TMPRSS6: variants seen among roughly 807,000 people sequenced by gnomAD.
TMPRSS6 encodes the protein transmembrane serine protease 6.
In TMPRSS6, 67 loss-of-function variants were observed where a neutral mutation model predicts 101.5. The ratio of observed to expected loss-of-function variants is 0.66; its 90% CI spans 0.54 to 0.81. TMPRSS6 has a LOEUF of 0.81. Among genes scored for constraint, TMPRSS6 ranks in the 30% least tolerant of loss-of-function variants. The pLI, the probability that TMPRSS6 is intolerant of heterozygous loss-of-function variation, is 0.00. For missense variants in TMPRSS6, 1,034 were observed against 1,088.7 expected (o/e 0.95, Z 0.71); for synonymous variants, 453 against 464.9 (o/e 0.97, Z 0.33).
At chr22:37,106,017 C>T (rs1015797392) in intron 1 of TMPRSS6, among the ~76,000 whole-genome samples, 8 of 152,088 alleles carry the variant, frequency 5.3e-5, no homozygotes, top group African/African-American at 1.9e-4. Flanking sequence ...CATGGGGACT[C>T]GGGGGCATAG....
At chr22:37,072,227 GATGGATGATGGATGGATGGATGA>G (rs1927032577) in intron 13 of TMPRSS6, among the ~76,000 whole-genome samples, 1 of 74,032 alleles carries the variant, frequency 1.4e-5, no homozygotes, top group Admixed American at 1.0e-4. Flanking sequence ...TGGATGGATG[GATGGATGATGGATGGATGGATGA>G]TGGATGGATG....
rs1264412545 is a variant in TMPRSS6, at chr22:37,074,644, C to G, written c.1407G>C (p.Lys469Asn). 1.2e-6 allele frequency: 2 copies of G among 1,614,212 alleles called. No individual in the cohort carries two copies. The highest frequency in any genetic ancestry group is 4.5e-5 in the East Asian group (2 of 44,876). Residue 469 changes from lysine (K) to asparagine (N), a missense_variant, in exon 12 of 18, where the codon AAG becomes AAC. Coordinates refer to ENST00000676104, the MANE Select transcript of TMPRSS6 (RefSeq NM_001374504.1). ...GLCVPACDGV[K>N]DCPNGLDERN... ...TCTCATCCAGGCCGTTGGGGCAGTC[C>G]TTGACCCCATCACAGGCAGGGACAC...
intron 13 of TMPRSS6, among the ~76,000 whole-genome samples, chr22:37,072,608 TGG>T (rs1927161007): frequency 8.4e-6 from 1 of 119,294 alleles, no homozygotes; most frequent in African/African-American, 3.3e-5. Context: ...GATGGATGGA[TGG>T]ATGATGGACG....
At chr22:37,102,268 C>T (rs1237424395) in intron 2 of TMPRSS6, among the ~76,000 whole-genome samples, 1 of 152,242 alleles carries the variant, frequency 6.6e-6, no homozygotes, top group Non-Finnish European at 1.5e-5. Context: ...TGTCCCATCA[C>T]ATGCTATGCT....
chr22:37,074,758 T>C (rs369540809), intron 11 of TMPRSS6, 50 bp from the exon 12 acceptor site: 6 of 1,592,322 alleles, frequency 3.8e-6, no homozygotes, highest in Non-Finnish European at 5.2e-6. Context: ...CATTAGGCCA[T>C]GCGTAGCCGC....
chr22:37,065,927 A>G lies in TMPRSS6; in HGVS notation c.*153T>C, dbSNP rs1926230705. On this transcript the variant is annotated 3_prime_UTR_variant, in exon 18 of 18. Transcript: ENST00000676104. ...TCCATCCTCCTGCCATCACTGGAGC[A>G]GACATCAGGGACGAGACAAGATGCC... 1.0e-6 allele frequency: 1 copy of G among 959,272 alleles called. No individual in the cohort carries two copies. The allele number at this position is 959,272 out of a possible 1,614,324, so 59.4% of individuals were successfully genotyped here. A position where few individuals can be genotyped will look rare whatever the true frequency, so the allele number is the denominator to read the frequency against.
chr22:37,084,290 G>C lies in TMPRSS6; in HGVS notation c.1196+5C>G, dbSNP rs750655957. ...GGAAGCCAGAGGGAGGAGAGGAAGT[G>C]GTACCTCCTGTTCTGGATCGTCCAC... On this transcript the variant is annotated splice_donor_5th_base_variant and intron_variant, in intron 10 of 17. Coordinates refer to ENST00000676104, the MANE Select transcript of TMPRSS6 (RefSeq NM_001374504.1). 6.2e-7 allele frequency: 1 copy of C among 1,606,248 alleles called. No homozygotes were observed. Among genetic ancestry groups the C allele is most frequent in the South Asian group, 1.1e-5 (1 of 90,570 alleles).
At chr22:37,068,970 T>A (rs972398426) in intron 16 of TMPRSS6, 103 bp downstream of exon 16, 2 of 1,487,056 alleles carry the variant, frequency 1.3e-6, no homozygotes, top group Non-Finnish European at 1.8e-6. Context: ...GCCTATGGGG[T>A]GGAGCCCCGG....
intron 3 of TMPRSS6, among the ~76,000 whole-genome samples, chr22:37,098,135 G>T (rs1312024119): frequency 6.6e-6 from 1 of 152,040 alleles, no homozygotes; most frequent in East Asian, 1.9e-4. Context: ...GGCAGGAGCG[G>T]GCCCTCAATA....
rs944135482 is a variant in TMPRSS6 at position 37,083,108 on chromosome 22, A to C, written c.1196+1187T>G. 4 of 470,846 alleles carry C rather than the reference A, an allele frequency of 8.5e-6. No individual in the cohort carries two copies. The Admixed American group carries it at 9.4e-5, about 11-fold the overall frequency. 29.2% of individuals were successfully genotyped at this position (470,846 alleles called of 1,614,324 possible). A position where few individuals can be genotyped will look rare whatever the true frequency, so the allele number is the denominator to read the frequency against. On this transcript the variant is annotated intron_variant, in intron 10 of 17. Coordinates refer to ENST00000676104, the MANE Select transcript of TMPRSS6 (RefSeq NM_001374504.1). ...AACTCTGTGAAATCAAGAAATGACAAATCTTTCATACTAGACTCTGAACCC... is the reference window on the plus strand; with the variant it reads ...AACTCTGTGAAATCAAGAAATGACACATCTTTCATACTAGACTCTGAACCC...
chr22:37,098,917 T>C (rs1468164859), intron 2 of TMPRSS6, among the ~76,000 whole-genome samples: 1 of 152,186 alleles, frequency 6.6e-6, no homozygotes, highest in East Asian at 1.9e-4. Context: ...CTAGGCATCC[T>C]TCCACTCGTG....
rs200023406 is a variant in TMPRSS6 at position 37,084,254 on chromosome 22, G to T, written c.1196+41C>A. On this transcript the variant is annotated intron_variant, in intron 10 of 17. Coordinates refer to ENST00000676104, the MANE Select transcript of TMPRSS6 (RefSeq NM_001374504.1). ...ATTGAGGAGGGAAGAGAGGGAGGGG[G>T]AGGGAGGAAAGGAAGCCAGAGGGAG... 16 of 1,530,860 alleles carry T rather than the reference G, an allele frequency of 1.0e-5. No individual in the cohort carries two copies. In the East Asian group the frequency reaches 3.7e-4, roughly 35 times the overall value. The allele number at this position is 1,530,860 out of a possible 1,614,324, so 94.8% of individuals were successfully genotyped here.
In TMPRSS6 at chr22:37,103,212, T is replaced by A. The variant is rs1213604189; in HGVS notation, c.202+4A>T. ...GCCTCTCCCAGGCGGTCCCACAACG[T>A]TACCTAGGAAATACCAGAGTAGCAC... On this transcript the variant is annotated splice_donor_region_variant and intron_variant, in intron 2 of 17. Transcript: ENST00000676104. This position sits in a 1 kb window ranked among gnomAD's most constrained non-coding sequence, Gnocchi z 4.4. The A allele has an allele frequency of 1.2e-6, 2 of 1,613,710 alleles. No homozygotes were observed. Among genetic ancestry groups the A allele is most frequent in the African/African-American group, 1.3e-5 (1 of 74,900 alleles).
chr22:37,095,243 G>A (rs1929640319), intron 6 of TMPRSS6, among the ~76,000 whole-genome samples: 1 of 152,204 alleles, frequency 6.6e-6, no homozygotes, highest in African/African-American at 2.4e-5. Context: ...TGAAGTGAAT[G>A]ATAGAGGAGA....
At chr22:37,095,629 CAAAAA>C (rs548945502) in intron 5 of TMPRSS6, 37 bp from the exon 6 acceptor site, 7 of 1,177,188 alleles carry the variant, frequency 5.9e-6, no homozygotes, top group Admixed American at 3.1e-5. Context: ...TAAACAAGAA[CAAAAA>C]AAAAAAAAAA....
intron 1 of TMPRSS6, among the ~76,000 whole-genome samples, chr22:37,108,178 C>T (rs1465736404): frequency 2.0e-5 from 3 of 152,154 alleles, no homozygotes; most frequent in African/African-American, 4.8e-5. Context: ...AGCAGCCAGC[C>T]GGCACCAAGA....
At chr22:37,072,358 TGATG>T (rs1324221938) in intron 13 of TMPRSS6, among the ~76,000 whole-genome samples, 1 of 131,474 alleles carries the variant, frequency 7.6e-6, no homozygotes, top group Non-Finnish European at 1.6e-5. Flanking sequence ...GATGGATGGA[TGATG>T]GATGGGTGCA....
intron 10 of TMPRSS6, among the ~76,000 whole-genome samples, chr22:37,079,662 T>G (rs1928106453): frequency 6.6e-6 from 1 of 152,234 alleles, no homozygotes; most frequent in African/African-American, 2.4e-5. Context: ...ACAAGCTGTG[T>G]GACCTTGGGT....
intron 10 of TMPRSS6, among the ~76,000 whole-genome samples, chr22:37,077,347 C>A (rs1207320362): frequency 6.6e-6 from 1 of 152,220 alleles, no homozygotes; most frequent in East Asian, 1.9e-4. Flanking sequence ...CCCCTACATG[C>A]CCCATGTCCT....
Sources: gnomAD v4.1 joint callset for allele counts (sites outside exome capture counted in the v4.1 genomes callset) on GRCh38, gnomAD v4.1.1 for gene constraint, Gnocchi (gnomAD v3.1) non-coding constraint, MANE v1.5 for transcripts, NCBI Gene and HGNC (gene_info 2026-07-23, HGNC 2026-07-21) for gene names.